MAP3K8: variants seen among roughly 807,000 people sequenced by gnomAD.
MAP3K8 encodes mitogen-activated protein kinase kinase kinase 8.
A neutral mutation model predicts 45.8 loss-of-function variants in MAP3K8; 22 were observed. That is an observed-to-expected ratio of 0.48 (90% confidence interval 0.34 to 0.69). MAP3K8 has a LOEUF of 0.69. Among genes scored for constraint, MAP3K8 ranks in the 30% least tolerant of loss-of-function variants. MAP3K8 has a pLI of 0.01. For missense variants in MAP3K8, 419 were observed against 585.0 expected (o/e 0.72, Z 2.93); for synonymous variants, 223 against 214.3 (o/e 1.04, Z -0.36).
chr10:30,449,222 A>C (rs548827555), intron 4 of MAP3K8, among the ~76,000 whole-genome samples: 1 of 152,100 alleles, frequency 6.6e-6, no homozygotes, highest in African/African-American at 2.4e-5. Context: ...CTTGAATGCT[A>C]GTAGACATCT....
At chr10:30,436,922 T>A (rs2132775413) in intron 1 of MAP3K8, among the ~76,000 whole-genome samples, 1 of 151,462 alleles carries the variant, frequency 6.6e-6, no homozygotes, top group Non-Finnish European at 1.5e-5. Flanking sequence ...GTGTTTCCAG[T>A]AAATTCGACA....
Position 30,458,314 on chromosome 10 carries a change from G to A in MAP3K8, c.1026+78G>A, listed in dbSNP as rs931778468. The A allele has an allele frequency of 6.0e-5, 62 of 1,038,778 alleles. No individual in the cohort carries two copies. In the African/African-American group the frequency reaches 8.9e-4, roughly 15 times the overall value. 64.3% of individuals were successfully genotyped at this position (1,038,778 alleles called of 1,614,324 possible). ...GCATCCCGCAGGCTTGGGAGGGACT[G>A]CTCTGCCTTCTATACCACCCCCATC... On this transcript the variant is annotated intron_variant, in intron 7 of 8. Coordinates refer to ENST00000263056, the MANE Select transcript of MAP3K8 (RefSeq NM_005204.4).
At chr10:30,456,825 C>G (rs1836746737) in intron 6 of MAP3K8, among the ~76,000 whole-genome samples, 1 of 152,166 alleles carries the variant, frequency 6.6e-6, no homozygotes, top group Non-Finnish European at 1.5e-5. Context: ...GTGGCTCACG[C>G]CTGTAATCCC....
intron 7 of MAP3K8, 37 bp downstream of exon 7, chr10:30,458,273 G>C (rs201382374): frequency 1.5e-6 from 2 of 1,364,744 alleles, no homozygotes; most frequent in South Asian, 1.6e-5. Flanking sequence ...GGCGGCGGGG[G>C]GGGGCGTTGA....
Position 30,459,395 on chromosome 10 carries a change from C to T in MAP3K8, c.1167C>T (p.Asn389=), listed in dbSNP as rs1487823056. 3 of 1,614,194 alleles carry T rather than the reference C, an allele frequency of 1.9e-6. No homozygotes were observed. The highest frequency in any genetic ancestry group is 8.5e-7 in the Non-Finnish European group (1 of 1,180,036). The change falls in exon 8 of 9, where the codon AAC becomes AAT. Residue 389 remains asparagine (N), a synonymous_variant. Coordinates refer to ENST00000263056, the MANE Select transcript of MAP3K8 (RefSeq NM_005204.4). ...ACCTACTAAAACATGAGGCCCTGAA[C>T]CCGCCCAGAGAGGATCAGCCACGCT... ...AADLLKHEAL[N]PPREDQPRCQ...
intron 3 of MAP3K8, among the ~76,000 whole-genome samples, chr10:30,439,964 C>G (rs182286749): frequency 1.3e-5 from 2 of 152,182 alleles, no homozygotes; most frequent in African/African-American, 4.8e-5. Context: ...TTATTTGTTC[C>G]TTTCTTGTCA....
intron 6 of MAP3K8, among the ~76,000 whole-genome samples, chr10:30,452,720 G>A (rs930981519): frequency 4.0e-5 from 6 of 151,894 alleles, no homozygotes; most frequent in Admixed American, 6.6e-5. Context: ...TTGCTCCATC[G>A]CCCAGGCTGT....
intron 6 of MAP3K8, among the ~76,000 whole-genome samples, chr10:30,454,698 G>A (rs753077586): frequency 6.6e-6 from 1 of 152,008 alleles, no homozygotes; most frequent in Non-Finnish European, 1.5e-5. Flanking sequence ...GCTCGAGCGA[G>A]GATTCTTGAC....
At chr10:30,434,496 G>T in intron 1 of MAP3K8, 118 bp downstream of exon 1, 3 of 985,708 alleles carry the variant, frequency 3.0e-6, no homozygotes, top group Non-Finnish European at 3.6e-6. Flanking sequence ...CTCTGGCGTG[G>T]GAAGAGGTGG....
intron 3 of MAP3K8, among the ~76,000 whole-genome samples, chr10:30,440,156 A>C (rs1203397539): frequency 2.0e-5 from 3 of 152,258 alleles, no homozygotes; most frequent in Non-Finnish European, 4.4e-5. Flanking sequence ...CCATAATAGT[A>C]GATCAGGTGA....
intron 8 of MAP3K8, 46 bp downstream of exon 8, chr10:30,459,547 T>C: frequency 3.1e-6 from 5 of 1,604,334 alleles, no homozygotes; most frequent in South Asian, 1.1e-5. Flanking sequence ...CCCTTCTCTT[T>C]CTGTCCACAT....
At chr10:30,443,325 TAGTG>T (rs1434366490) in intron 3 of MAP3K8, among the ~76,000 whole-genome samples, 2 of 152,248 alleles carry the variant, frequency 1.3e-5, no homozygotes, top group African/African-American at 2.4e-5. Context: ...TGGTTACACA[TAGTG>T]AGTGTTAAAT....
chr10:30,458,272 G>GTA (rs1554774882), intron 7 of MAP3K8, 36 bp downstream of exon 7: 1 of 1,365,454 alleles, frequency 7.3e-7, no homozygotes, highest in South Asian at 1.6e-5. Flanking sequence ...GGGCGGCGGG[G>GTA]GGGGGCGTTG....
Position 30,439,098 on chromosome 10 carries a change from A to G in MAP3K8, c.160A>G (p.Asn54Asp), listed in dbSNP as rs1036237977. ...PSLMTMCQDS[N>D]QNDERSKSLL... ...TCTAATGACCATGTGTCAAGACAGT[A>G]ATCAAAACGATGAGCGTTCTAAGTC... Residue 54 changes from asparagine to aspartate, a missense_variant, in exon 3 of 9, where the codon AAT becomes GAT. By Grantham distance (23) the Asn-to-Asp change is conservative (BLOSUM62 1). Coordinates refer to ENST00000263056, the MANE Select transcript of MAP3K8 (RefSeq NM_005204.4). The G allele has an allele frequency of 5.6e-6, 9 of 1,614,132 alleles. No homozygotes were observed. The African/African-American group carries it at 1.2e-4, about 22-fold the overall frequency.
intron 6 of MAP3K8, among the ~76,000 whole-genome samples, chr10:30,455,555 G>A (rs1836703673): frequency 6.6e-6 from 1 of 152,204 alleles, no homozygotes; most frequent in Non-Finnish European, 1.5e-5. Context: ...AAGGTACAGA[G>A]AGAGAATACA....
intron 6 of MAP3K8, among the ~76,000 whole-genome samples, chr10:30,452,905 T>C (rs1351233164): frequency 1.3e-5 from 2 of 151,966 alleles, no homozygotes; most frequent in East Asian, 3.9e-4. Context: ...TCATGAACTG[T>C]TGGCCTCAAG....
Position 30,434,824 on chromosome 10 carries a change from G to T in MAP3K8, c.-255+446G>T, listed in dbSNP as rs151186507. ...CTTTGATAATTTATAAGCCTTTTAG[G>T]CTCCCTTGACTTAGAGAACCAGGAG... is the stretch of plus-strand genomic sequence containing the variant. On this transcript the variant is annotated intron_variant, in intron 1 of 8. Transcript: ENST00000263056. The T allele has an allele frequency of 1.2e-3, 1,157 of 971,284 alleles. 1 individual carries two copies. Among genetic ancestry groups the T allele is most frequent in the Middle Eastern group, 2.1e-3 (4 of 1,900 alleles). 60.2% of individuals were successfully genotyped at this position (971,284 alleles called of 1,614,324 possible).
chr10:30,439,892 T>C (rs1295074855), intron 3 of MAP3K8, among the ~76,000 whole-genome samples: 3 of 152,252 alleles, frequency 2.0e-5, no homozygotes, highest in Non-Finnish European at 4.4e-5. Context: ...AAAGGCTTAA[T>C]GAGACTCCTT....
At chr10:30,437,033 A>T in intron 1 of MAP3K8, 143 bp from the exon 2 acceptor site, 1 of 251,156 alleles carries the variant, frequency 4.0e-6, no homozygotes, top group Non-Finnish European at 6.3e-6. Context: ...CAAGAACCTG[A>T]ATCACAATCT....
Sources: gnomAD v4.1 joint callset for allele counts (sites outside exome capture counted in the v4.1 genomes callset) on GRCh38, gnomAD v4.1.1 for gene constraint, MANE v1.5 for transcripts, NCBI Gene and HGNC (gene_info 2026-07-23, HGNC 2026-07-21) for gene names.